The following CLVS1 variants were observed in gnomAD, a reference collection of about 807,000 sequenced individuals.
CLVS1 encodes clavesin-1.
A neutral mutation model predicts 33.1 loss-of-function variants in CLVS1; 10 were observed. The ratio of observed to expected loss-of-function variants is 0.30; its 90% CI spans 0.19 to 0.51. CLVS1 has a LOEUF of 0.51. Ranked by LOEUF, CLVS1 falls within the 20% of genes least tolerant of loss-of-function variation. The pLI, the probability that CLVS1 is intolerant of heterozygous loss-of-function variation, is 0.97. For missense variants in CLVS1, 343 were observed against 433.4 expected (o/e 0.79, Z 1.85); for synonymous variants, 163 against 166.1 (o/e 0.98, Z 0.14).
At chr8:61,239,418 AT>A (rs1363590574) in intron 2 of CLVS1, among the ~76,000 whole-genome samples, 1 of 151,936 alleles carries the variant, frequency 6.6e-6, no homozygotes, top group African/African-American at 2.4e-5. Flanking sequence ...TAATATAGGT[AT>A]TTTTTTTAGT....
intron 3 of CLVS1, among the ~76,000 whole-genome samples, chr8:61,382,509 C>G (rs1813921306): frequency 6.6e-6 from 1 of 152,126 alleles, no homozygotes; most frequent in East Asian, 1.9e-4. Flanking sequence ...TCAGGCCCTG[C>G]CCCAGACATA....
intron 2 of CLVS1, among the ~76,000 whole-genome samples, chr8:61,147,037 G>C (rs1465401753): frequency 1.3e-5 from 2 of 152,186 alleles, no homozygotes; most frequent in Non-Finnish European, 2.9e-5. Flanking sequence ...GAGCAGATCA[G>C]GGCAATAGCA....
At chr8:61,168,475 TGGTAGCAA>T (rs148766979) in intron 2 of CLVS1, among the ~76,000 whole-genome samples, 5,210 of 152,330 alleles carry the variant, frequency 0.034, 96 homozygotes, top group Middle Eastern at 0.041. Flanking sequence ...GATTTATCTT[TGGTAGCAA>T]TGTAGAGAAA....
At chr8:61,252,651 G>A (rs1389575835) in intron 2 of CLVS1, among the ~76,000 whole-genome samples, 1 of 152,138 alleles carries the variant, frequency 6.6e-6, no homozygotes, top group Non-Finnish European at 1.5e-5. Flanking sequence ...CTGCTGAATT[G>A]GTCCCTTTAC....
intron 2 of CLVS1, among the ~76,000 whole-genome samples, chr8:61,322,016 A>G (rs1300810388): frequency 6.6e-6 from 1 of 151,880 alleles, no homozygotes; most frequent in Admixed American, 6.6e-5. Context: ...CTATTTTTTT[A>G]TGGTTGTCTT....
At chr8:61,246,414 C>A (rs1332869242) in intron 2 of CLVS1, among the ~76,000 whole-genome samples, 2 of 151,608 alleles carry the variant, frequency 1.3e-5, no homozygotes, top group African/African-American at 4.9e-5. Flanking sequence ...AAGTGATACA[C>A]CTGCCTCGGC....
chr8:61,108,508 G>T (rs1489986757), intron 1 of CLVS1, among the ~76,000 whole-genome samples: 1 of 152,072 alleles, frequency 6.6e-6, no homozygotes, highest in East Asian at 1.9e-4. Flanking sequence ...TACACCCTGA[G>T]ATAATATGTG....
intron 1 of CLVS1, among the ~76,000 whole-genome samples, chr8:61,069,287 A>G (rs962498669): frequency 6.6e-6 from 1 of 152,148 alleles, no homozygotes; most frequent in Non-Finnish European, 1.5e-5. Flanking sequence ...TTTACAATGT[A>G]GGTCATAGGC....
intron 2 of CLVS1, among the ~76,000 whole-genome samples, chr8:61,351,477 G>C (rs28477525): frequency 1.3e-5 from 2 of 151,724 alleles, no homozygotes; most frequent in African/African-American, 4.8e-5. Context: ...AATATTCATA[G>C]GATCAGCATT....
chr8:61,328,321 A>G (rs1022998203), intron 2 of CLVS1, among the ~76,000 whole-genome samples: 3 of 152,172 alleles, frequency 2.0e-5, no homozygotes, highest in Non-Finnish European at 4.4e-5. Context: ...GGAAAAGAGG[A>G]GAGAGGAATT....
chr8:61,001,904 C>T, the CLVS1 span, among the ~76,000 whole-genome samples: 2 of 152,200 alleles, frequency 1.3e-5, no homozygotes, highest in Non-Finnish European at 2.9e-5. Context: ...GAAATCTTTC[C>T]TGACTCTCTC....
the CLVS1 span, among the ~76,000 whole-genome samples, chr8:61,004,801 C>T: frequency 2.7e-4 from 41 of 152,266 alleles, 1 homozygote; most frequent in Non-Finnish European, 4.7e-4. Flanking sequence ...GGGTTACCTG[C>T]CATTCAAGTA....
At chr8:61,318,046 C>G (rs1811071562) in intron 2 of CLVS1, among the ~76,000 whole-genome samples, 1 of 152,112 alleles carries the variant, frequency 6.6e-6, no homozygotes, top group South Asian at 2.1e-4. Context: ...CTCTTAACAA[C>G]CTGTGTATGC....
At chr8:61,121,437 C>CTGTTTGTG (rs1450665186) in intron 1 of CLVS1, among the ~76,000 whole-genome samples, 3 of 152,060 alleles carry the variant, frequency 2.0e-5, no homozygotes, top group Non-Finnish European at 4.4e-5. Flanking sequence ...TGGATTTACT[C>CTGTTTGTG]TGTGTGTGTG....
intron 2 of CLVS1, among the ~76,000 whole-genome samples, chr8:61,302,737 A>T (rs1031107134): frequency 6.6e-6 from 1 of 152,212 alleles, no homozygotes. Context: ...ACTACCTGAG[A>T]CTGGGTAATT....
chr8:61,293,411 A>C (rs1810067690), intron 1 of CLVS1, among the ~76,000 whole-genome samples: 1 of 152,170 alleles, frequency 6.6e-6, no homozygotes, highest in South Asian at 2.1e-4. Flanking sequence ...CTGAAAATTC[A>C]TCCATCAGAA....
At chr8:61,349,966 T>C (rs1038802727) in intron 2 of CLVS1, among the ~76,000 whole-genome samples, 2 of 152,168 alleles carry the variant, frequency 1.3e-5, no homozygotes, top group African/African-American at 4.8e-5. Context: ...AGAATTTTTT[T>C]CAGGAAGGTT....
At chr8:61,000,947 A>G in the CLVS1 span, among the ~76,000 whole-genome samples, 1 of 152,194 alleles carries the variant, frequency 6.6e-6, no homozygotes, top group Non-Finnish European at 1.5e-5. Flanking sequence ...TGACTCAGTC[A>G]GGTTCTTCCT....
At chr8:61,268,992 C>CT (rs1356764513) in intron 2 of CLVS1, among the ~76,000 whole-genome samples, 1 of 132,752 alleles carries the variant, frequency 7.5e-6, no homozygotes, top group Non-Finnish European at 1.6e-5. Flanking sequence ...ATGGTAGTTT[C>CT]TTTTGCTGTG....
Sources: gnomAD v4.1 joint callset for allele counts (sites outside exome capture counted in the v4.1 genomes callset) on GRCh38, gnomAD v4.1.1 for gene constraint, MANE v1.5 for transcripts, NCBI Gene and HGNC (gene_info 2026-07-23, HGNC 2026-07-21) for gene names.